Variants in NRXN3 observed in about 807,000 individuals in gnomAD.
NRXN3 encodes neurexin 3, also known as neurexin III.
NRXN3 carries 32 observed loss-of-function variants against 137.6 expected under a neutral mutation model. The observed-to-expected ratio is 0.23, with a 90% CI of 0.18 to 0.31. NRXN3 has a LOEUF of 0.31. Ranked by LOEUF, NRXN3 falls within the 10% of genes least tolerant of loss-of-function variation. The pLI, the probability that NRXN3 is intolerant of heterozygous loss-of-function variation, is 1.00. For missense variants in NRXN3, 1,574 were observed against 2,062.5 expected, an observed-to-expected ratio of 0.76 and a Z score of 4.59; for synonymous variants, 798 against 784.5, an observed-to-expected ratio of 1.02 and a Z score of -0.29.
At chr14:79,548,898 A>C (rs759082123) in intron 16 of NRXN3, among the ~76,000 whole-genome samples, 2 of 152,158 alleles carry the variant, frequency 1.3e-5, no homozygotes, top group African/African-American at 4.8e-5. Flanking sequence ...AGAATGGACC[A>C]TTTTGGAGAC....
At chr14:79,354,544 C>T (rs1406209552) in intron 15 of NRXN3, among the ~76,000 whole-genome samples, 1 of 152,178 alleles carries the variant, frequency 6.6e-6, no homozygotes, top group Non-Finnish European at 1.5e-5. Context: ...GTTCCACTCA[C>T]ATTTCACATG....
intron 10 of NRXN3, among the ~76,000 whole-genome samples, chr14:78,943,618 AAAAATATATATATATATATATAT>A (rs1326866946): frequency 2.3e-4 from 9 of 39,968 alleles, no homozygotes; most frequent in African/African-American, 3.6e-4. Context: ...GTTAAAAAAA[AAAAATATATATATATATATATAT>A]ATATATATAT....
intron 1 of NRXN3, among the ~76,000 whole-genome samples, chr14:78,173,442 G>T (rs1371342266): frequency 6.6e-6 from 1 of 151,712 alleles, no homozygotes; most frequent in Non-Finnish European, 1.5e-5. Context: ...TGGGGGACGG[G>T]TTGTCAGTCT....
At chr14:78,988,343 C>A in intron 15 of NRXN3, 1 of 606,808 alleles carries the variant, frequency 1.6e-6, no homozygotes, top group Non-Finnish European at 2.9e-6. Context: ...TAAATATTCT[C>A]CCACTTGCTC....
At chr14:78,230,171 T>C (rs914940253) in intron 1 of NRXN3, among the ~76,000 whole-genome samples, 8 of 152,070 alleles carry the variant, frequency 5.3e-5, no homozygotes, top group Non-Finnish European at 1.0e-4. Context: ...ACTACAGGCA[T>C]GAGCCACCAC....
rs148928689 is a variant in NRXN3, at chr14:78,767,839, A to G, written c.2045-35781A>G. 2.2e-3 allele frequency among the ~76,000 whole-genome samples: 335 copies of G among 152,282 alleles called. 2 individuals carry two copies. Among genetic ancestry groups the G allele is most frequent in the African/African-American group, 7.7e-3 (320 of 41,564 alleles). ...TATTATATCCCAGTGGGCTAGAAGT[A>G]TGGGTTTGTCTAGCACCATTTTAAG... is the stretch of plus-strand genomic sequence containing the variant. On this transcript the variant is annotated intron_variant, in intron 8 of 20. Transcript: ENST00000335750.
intron 16 of NRXN3, among the ~76,000 whole-genome samples, chr14:79,630,688 A>G (rs564966816): frequency 9.8e-5 from 15 of 152,296 alleles, no homozygotes; most frequent in Admixed American, 1.3e-4. Flanking sequence ...GTCCTATTTT[A>G]TGCATCATCC....
intron 15 of NRXN3, among the ~76,000 whole-genome samples, chr14:79,180,072 C>T (rs906586008): frequency 3.3e-5 from 5 of 152,196 alleles, no homozygotes; most frequent in African/African-American, 7.2e-5. Flanking sequence ...GTGTCTGCCC[C>T]AGACCACAAT....
intron 8 of NRXN3, among the ~76,000 whole-genome samples, chr14:78,784,393 AGAT>A (rs1476579224): frequency 6.6e-6 from 1 of 152,222 alleles, no homozygotes; most frequent in African/African-American, 2.4e-5. Flanking sequence ...AGGCAATAGT[AGAT>A]GATGAGCTGT....
intron 20 of NRXN3, among the ~76,000 whole-genome samples, chr14:79,806,274 A>G (rs1489437902): frequency 1.3e-5 from 2 of 152,186 alleles, no homozygotes; most frequent in African/African-American, 2.4e-5. Flanking sequence ...TCATGAAAAA[A>G]TAATCTAATA....
chr14:78,314,929 T>C (rs532940788), intron 4 of NRXN3, among the ~76,000 whole-genome samples: 2 of 121,890 alleles, frequency 1.6e-5, no homozygotes, highest in South Asian at 2.9e-4. Flanking sequence ...CTTTCTTTCT[T>C]TCTTTCTTTC....
chr14:79,192,765 AT>A (rs961910712), intron 15 of NRXN3, among the ~76,000 whole-genome samples: 29,283 of 115,218 alleles, frequency 0.25, 2,729 homozygotes, highest in Middle Eastern at 0.35. Context: ...AATTCTCTTA[AT>A]TTTTTTTTTT....
intron 20 of NRXN3, among the ~76,000 whole-genome samples, chr14:79,818,055 T>TG (rs1430826990): frequency 7.2e-6 from 1 of 139,298 alleles, no homozygotes; most frequent in African/African-American, 2.7e-5. Context: ...GGTTTTTTTT[T>TG]TTTTTTTTTT....
chr14:78,801,507 A>G (rs938378171), intron 8 of NRXN3, among the ~76,000 whole-genome samples: 1 of 152,152 alleles, frequency 6.6e-6, no homozygotes, highest in Non-Finnish European at 1.5e-5. Flanking sequence ...TCAAACACTT[A>G]CAAAACCATC....
At chr14:79,409,981 A>G (rs1470915513) in intron 15 of NRXN3, among the ~76,000 whole-genome samples, 1 of 151,760 alleles carries the variant, frequency 6.6e-6, no homozygotes, top group African/African-American at 2.4e-5. Context: ...AATAAATTAT[A>G]TATTTATCAT....
At chr14:79,816,770 T>G (rs2099252725) in intron 20 of NRXN3, among the ~76,000 whole-genome samples, 1 of 152,228 alleles carries the variant, frequency 6.6e-6, no homozygotes, top group Admixed American at 6.5e-5. Flanking sequence ...CAGTGAAATA[T>G]GTCAATGTCC....
intron 15 of NRXN3, among the ~76,000 whole-genome samples, chr14:79,111,643 C>G (rs958515577): frequency 6.6e-6 from 1 of 151,290 alleles, no homozygotes; most frequent in African/African-American, 2.4e-5. Context: ...GAGACTGAGG[C>G]AGGAGAATCT....
intron 15 of NRXN3, among the ~76,000 whole-genome samples, chr14:79,233,392 CA>C (rs2072609929): frequency 6.6e-6 from 1 of 152,110 alleles, no homozygotes; most frequent in Non-Finnish European, 1.5e-5. Flanking sequence ...ACATGCACTC[CA>C]GTACAACTTG....
intron 10 of NRXN3, among the ~76,000 whole-genome samples, chr14:78,848,120 A>G (rs986114656): frequency 6.6e-6 from 1 of 152,132 alleles, no homozygotes; most frequent in African/African-American, 2.4e-5. Flanking sequence ...GATAACACTG[A>G]ACATGGTGGG....
Sources: gnomAD v4.1 joint callset for allele counts (sites outside exome capture counted in the v4.1 genomes callset) on GRCh38, gnomAD v4.1.1 for gene constraint, MANE v1.5 for transcripts, NCBI Gene and HGNC (gene_info 2026-07-23, HGNC 2026-07-21) for gene names.